The following ROCK2 variants were observed in gnomAD, a reference collection of about 807,000 sequenced individuals.
The protein encoded by ROCK2 is rho-associated protein kinase 2.
In ROCK2, 61 loss-of-function variants were observed where a neutral mutation model predicts 195.1. The ratio of observed to expected loss-of-function variants is 0.31; its 90% CI spans 0.25 to 0.39. The LOEUF is 0.39. Among genes scored for constraint, ROCK2 ranks in the 10% least tolerant of loss-of-function variants. The pLI, the probability that ROCK2 is intolerant of heterozygous loss-of-function variation, is 1.00. For missense variants in ROCK2, 1,109 were observed against 1,637.4 expected (o/e 0.68, Z 5.57); for synonymous variants, 504 against 545.5 (o/e 0.92, Z 1.06).
chr2:11,276,748 T>C (rs1047279816), intron 3 of ROCK2, among the ~76,000 whole-genome samples: 1 of 152,160 alleles, frequency 6.6e-6, no homozygotes, highest in Non-Finnish European at 1.5e-5. Flanking sequence ...AGCAACAATA[T>C]ATTCAGTAAC....
chr2:11,201,387 C>G lies in ROCK2; in HGVS notation c.2646G>C (p.Glu882Asp). The G allele has an allele frequency of 6.2e-7, 1 of 1,609,912 alleles. No homozygotes were observed. The highest frequency in any genetic ancestry group is 1.1e-5 in the South Asian group (1 of 90,986). Reference sequence around the variant, plus strand: ...TCTTTTCTTCACATTCTTCTTTAAGCTCCCTAACTTGTGTTTTATAAAGGG... The same window carrying G: ...TCTTTTCTTCACATTCTTCTTTAAGGTCCCTAACTTGTGTTTTATAAAGGG... ...FSTLYKTQVR[E>D]LKEECEEKTK... The change falls in exon 22 of 33, where the codon GAG (glutamate) becomes GAC (aspartate). Residue 882 changes from glutamate (E) to aspartate (D), a missense_variant. Transcript: ENST00000315872. The surrounding 1 kb of genome is among the most constrained non-coding windows in gnomAD (Gnocchi z 4.6).
chr2:11,276,148 AAAGAAC>A (rs1488669187), intron 3 of ROCK2, among the ~76,000 whole-genome samples: 1 of 152,248 alleles, frequency 6.6e-6, no homozygotes, highest in Non-Finnish European at 1.5e-5. Context: ...CCGCTAAGAT[AAAGAAC>A]AAGAAAAGGC....
intron 3 of ROCK2, among the ~76,000 whole-genome samples, chr2:11,267,882 G>A (rs1666475129): frequency 6.6e-6 from 1 of 151,754 alleles, no homozygotes; most frequent in African/African-American, 2.4e-5. Context: ...CCTGGCCTCA[G>A]GAGATCTGCC....
intron 5 of ROCK2, among the ~76,000 whole-genome samples, chr2:11,232,089 G>A (rs1479059442): frequency 6.6e-6 from 1 of 151,718 alleles, no homozygotes; most frequent in Non-Finnish European, 1.5e-5. Context: ...CCAAGTCACA[G>A]TCCCTTCTGT....
At chr2:11,290,883 T>C (rs943306732) in intron 1 of ROCK2, among the ~76,000 whole-genome samples, 4 of 152,096 alleles carry the variant, frequency 2.6e-5, no homozygotes, top group African/African-American at 7.2e-5. Context: ...TCTGCATCAC[T>C]AGATAGGTCA....
intron 1 of ROCK2, among the ~76,000 whole-genome samples, chr2:11,317,591 TATATATATATATATATATATA>T (rs1193261378): frequency 4.3e-4 from 6 of 13,938 alleles, no homozygotes; most frequent in Non-Finnish European, 7.3e-4. Context: ...TATATATATA[TATATATATATATATATATATA>T]TTTTTTTTTT....
At chr2:11,328,689 T>G (rs1668622342) in intron 1 of ROCK2, among the ~76,000 whole-genome samples, 2 of 152,042 alleles carry the variant, frequency 1.3e-5, no homozygotes, top group Admixed American at 1.3e-4. Context: ...AATGACAGAC[T>G]GGATTAAGAA....
chr2:11,220,612 A>C (rs918676696), intron 9 of ROCK2, among the ~76,000 whole-genome samples: 13 of 152,220 alleles, frequency 8.5e-5, no homozygotes, highest in Non-Finnish European at 1.8e-4. Context: ...CACCTGCTCT[A>C]TGTTTGAGTG....
chr2:11,337,363 A>T (rs1433799562), intron 1 of ROCK2, among the ~76,000 whole-genome samples: 1 of 152,228 alleles, frequency 6.6e-6, no homozygotes, highest in Admixed American at 6.5e-5. Flanking sequence ...CTAAGATTCA[A>T]TAATAAATAC....
intron 2 of ROCK2, among the ~76,000 whole-genome samples, chr2:11,287,337 G>T (rs969231827): frequency 6.6e-6 from 1 of 152,038 alleles, no homozygotes; most frequent in African/African-American, 2.4e-5. Context: ...AATTCTCTGG[G>T]CAATATTAAG....
At chr2:11,265,368 G>T (rs540955507) in intron 3 of ROCK2, among the ~76,000 whole-genome samples, 1 of 152,060 alleles carries the variant, frequency 6.6e-6, no homozygotes, top group South Asian at 2.1e-4. Context: ...TATAACGTTG[G>T]CTTATTTTCT....
intron 1 of ROCK2, among the ~76,000 whole-genome samples, chr2:11,336,864 A>G (rs1292501209): frequency 6.6e-6 from 1 of 152,240 alleles, no homozygotes; most frequent in Non-Finnish European, 1.5e-5. Flanking sequence ...TTTGGAAAAA[A>G]GCAAAGGAGA....
In ROCK2 at chr2:11,215,496, T is replaced by C. The variant is rs768570101; in HGVS notation, c.1597+14A>G. Reference sequence around the variant, plus strand: ...TTTTTTCTTGATGAGTAATTAATATTCTACACCACAAACCATCATTTTCCA... The same window carrying C: ...TTTTTTCTTGATGAGTAATTAATATCCTACACCACAAACCATCATTTTCCA... On this transcript the variant is annotated intron_variant, in intron 14 of 32. Coordinates refer to ENST00000315872, the MANE Select transcript of ROCK2 (RefSeq NM_004850.5). 6.2e-7 allele frequency: 1 copy of C among 1,611,230 alleles called. No individual in the cohort carries two copies. The highest frequency in any genetic ancestry group is 8.5e-7 in the Non-Finnish European group (1 of 1,179,190).
intron 1 of ROCK2, among the ~76,000 whole-genome samples, chr2:11,339,044 A>C (rs1412065617): frequency 8.5e-5 from 13 of 152,230 alleles, no homozygotes; most frequent in Admixed American, 8.5e-4. Context: ...TTTGCATTAA[A>C]TAGGTGTGTG....
intron 20 of ROCK2, among the ~76,000 whole-genome samples, chr2:11,203,753 T>C (rs1487943803): frequency 1.3e-5 from 2 of 152,338 alleles, no homozygotes; most frequent in Admixed American, 6.5e-5. Flanking sequence ...TTGATGAGTA[T>C]ACTGTAGAGA....
intron 20 of ROCK2, 126 bp downstream of exon 20, chr2:11,207,600 G>T: frequency 1.5e-6 from 1 of 672,998 alleles, no homozygotes; most frequent in Non-Finnish European, 2.4e-6. Context: ...CACATTACCT[G>T]TACAGAAATA....
intron 28 of ROCK2, 37 bp downstream of exon 28, chr2:11,194,918 C>A (rs1663572725): frequency 1.5e-6 from 2 of 1,293,706 alleles, no homozygotes; most frequent in South Asian, 1.4e-5. Context: ...AAAACAAAAA[C>A]AAAAACAAAA....
intron 1 of ROCK2, among the ~76,000 whole-genome samples, chr2:11,335,758 C>G (rs564505869): frequency 6.6e-6 from 1 of 152,194 alleles, no homozygotes; most frequent in South Asian, 2.1e-4. Context: ...TCTTTGAACT[C>G]CTACTTCATA....
Position 11,197,369 on chromosome 2 carries a change from A to T in ROCK2, c.3280-21T>A. The T allele has an allele frequency of 6.2e-7, 1 of 1,605,102 alleles. No homozygotes were observed. ...ATTTGCTATAAGAAATTTAATTACA[A>T]TAAGTTAATTGGATGCAACATAACT... On this transcript the variant is annotated intron_variant, in intron 26 of 32. Transcript: ENST00000315872. This position sits in a 1 kb window ranked among gnomAD's most constrained non-coding sequence, Gnocchi z 4.9.
Sources: allele counts gnomAD v4.1 joint callset (sites outside exome capture counted in the v4.1 genomes callset), GRCh38; gene constraint gnomAD v4.1.1; non-coding constraint Gnocchi (gnomAD v3.1); transcripts MANE v1.5; gene names NCBI Gene and HGNC (gene_info 2026-07-23, HGNC 2026-07-21).